The following EGFL7 variants were observed in gnomAD, a reference collection of about 807,000 sequenced individuals.
The protein encoded by EGFL7 is epidermal growth factor-like protein 7.
EGFL7 carries 48 observed loss-of-function variants against 37.1 expected under a neutral mutation model. That is an observed-to-expected ratio of 1.29 (90% CI 1.03 to 1.65). The LOEUF is 1.65. EGFL7 is among the 40% of genes most tolerant of loss of function. The pLI is 0.00. For missense variants in EGFL7, 384 were observed against 378.9 expected (o/e 1.01, Z -0.11); for synonymous variants, 180 against 156.8 (o/e 1.15, Z -1.10).
intron 5 of EGFL7, 143 bp from the exon 6 acceptor site, chr9:136,669,463 C>A: frequency 1.6e-6 from 1 of 629,510 alleles, no homozygotes. Context: ...TGTGCAGTGA[C>A]CCCTCAGTGC....
upstream of EGFL7, among the ~76,000 whole-genome samples, chr9:136,661,773 G>A (rs370462534): frequency 2.0e-4 from 31 of 152,304 alleles, no homozygotes; most frequent in African/African-American, 6.0e-4. Context: ...TTCCCCAGCT[G>A]CCCCAGCCTC....
chr9:136,669,831 G>A (rs565927419), intron 6 of EGFL7, 83 bp from the exon 7 acceptor site: 56 of 1,445,806 alleles, frequency 3.9e-5, no homozygotes, highest in South Asian at 1.0e-4. Context: ...CCACCTTGCC[G>A]CAGAGCACCC....
At chr9:136,671,539 C>CG in intron 9 of EGFL7, among the ~76,000 whole-genome samples, 1 of 151,964 alleles carries the variant, frequency 6.6e-6, no homozygotes, top group African/African-American at 2.4e-5. Context: ...ACCAGGACCC[C>CG]CCAGGGCCGG....
At chr9:136,671,541 C>A (rs1295936655) in intron 9 of EGFL7, among the ~76,000 whole-genome samples, 2 of 151,892 alleles carry the variant, frequency 1.3e-5, no homozygotes, top group African/African-American at 4.8e-5. Flanking sequence ...CAGGACCCCC[C>A]AGGGCCGGAG....
intron 9 of EGFL7, 147 bp from the exon 10 acceptor site, chr9:136,671,779 G>A (rs1009194952): frequency 5.4e-6 from 6 of 1,109,678 alleles, no homozygotes; most frequent in South Asian, 1.9e-5. Context: ...TTCTGCCACG[G>A]CAGCCCCCTC....
intron 6 of EGFL7, 88 bp downstream of exon 6, chr9:136,669,809 C>A (rs1845723857): frequency 7.0e-7 from 1 of 1,438,502 alleles, no homozygotes; most frequent in Admixed American, 2.1e-5. Flanking sequence ...TTCTTGAACC[C>A]CGAGCAAAGC....
intron 10 of EGFL7, 87 bp downstream of exon 10, chr9:136,672,175 G>C: frequency 1.9e-6 from 3 of 1,603,648 alleles, no homozygotes; most frequent in Non-Finnish European, 2.6e-6. Context: ...GGTCGGGGGC[G>C]ACCAAAGGCC....
In EGFL7 at chr9:136,668,357, G is replaced by A. The variant is rs534079276; in HGVS notation, c.75G>A (p.Arg25=). The A allele has an allele frequency of 2.2e-5, 35 of 1,596,466 alleles. No homozygotes were observed. The highest frequency in any genetic ancestry group is 2.7e-5 in the Non-Finnish European group (32 of 1,171,242). ...TGGGCGGCACAGAGCACGCCTACCG[G>A]CCCGGGTGAGCCAAGCCCTAGCCTG... The part of the protein sequence containing the change: ...LAVGGTEHAY[R]PGRRVCAVRA... The change falls in exon 4 of 11, where the codon CGG becomes CGA. Residue 25 remains arginine (R), a synonymous_variant. Coordinates refer to ENST00000308874, the MANE Select transcript of EGFL7 (RefSeq NM_016215.5).
chr9:136,668,533 C>T (rs781632992), intron 4 of EGFL7, 24 bp from the exon 5 acceptor site: 2 of 1,600,308 alleles, frequency 1.2e-6, no homozygotes, highest in Non-Finnish European at 8.5e-7. Flanking sequence ...GACTCCTGGG[C>T]TGACCCCCTC....
chr9:136,668,927 A>T (rs1012405428), intron 5 of EGFL7, among the ~76,000 whole-genome samples: 4 of 152,050 alleles, frequency 2.6e-5, no homozygotes, highest in African/African-American at 7.2e-5. Flanking sequence ...GAGCATCCCC[A>T]TGTTTAGAGG....
intron 3 of EGFL7, 99 bp from the exon 4 acceptor site, chr9:136,668,142 C>A: frequency 6.0e-6 from 4 of 666,264 alleles, no homozygotes; most frequent in Non-Finnish European, 1.0e-5. Flanking sequence ...GAGGCTCCAG[C>A]GGAGATGAGC....
intron 9 of EGFL7, among the ~76,000 whole-genome samples, chr9:136,671,451 G>A (rs1343713351): frequency 6.6e-6 from 1 of 152,068 alleles, no homozygotes; most frequent in African/African-American, 2.4e-5. Flanking sequence ...CCTGGCCCTG[G>A]GGAGGTGGCT....
rs1845741025 is a variant in EGFL7, at chr9:136,670,020, C to T, written c.409+11C>T. The stretch of plus-strand genomic sequence containing the variant: ...ACACTTGCCAGTCAGGTGAGGCTGG[C>T]TCTACCCTGGGGGGCCCTGGAAGGG... On this transcript the variant is annotated intron_variant, in intron 7 of 10. Transcript: ENST00000308874. 2 of 1,590,872 alleles carry T rather than the reference C, an allele frequency of 1.3e-6. No individual in the cohort carries two copies. Among genetic ancestry groups the T allele is most frequent in the East Asian group, 2.2e-5 (1 of 44,492 alleles).
At position 136,670,942 on chromosome 9, in the gene EGFL7, G is replaced by C; in HGVS notation, c.572-8G>C. On this transcript the variant is annotated splice_polypyrimidine_tract_variant and splice_region_variant and intron_variant, in intron 8 of 10. Transcript: ENST00000308874. ...CGGCCGTGACCCAGCGCCTGGCTCTGCCCGCAGGAGTGGACAGTGCAATGA... is the reference window on the plus strand; with the variant it reads ...CGGCCGTGACCCAGCGCCTGGCTCTCCCCGCAGGAGTGGACAGTGCAATGA... 1 of 1,552,934 alleles carries C rather than the reference G, an allele frequency of 6.4e-7. No individual in the cohort carries two copies.
At chr9:136,672,160 T>G in intron 10 of EGFL7, 72 bp downstream of exon 10, 1 of 1,589,666 alleles carries the variant, frequency 6.3e-7, no homozygotes, top group Non-Finnish European at 8.6e-7. Context: ...CTACCCAGGC[T>G]TGGGGGTCGG....
chr9:136,670,537 C>A lies in EGFL7; in HGVS notation c.571+207C>A. 4 of 806,142 alleles carry A rather than the reference C, an allele frequency of 5.0e-6. No homozygotes were observed. The South Asian group carries it at 5.5e-5, about 11-fold the overall frequency. The allele number at this position is 806,142 out of a possible 1,614,324, so 49.9% of individuals were successfully genotyped here. A position where few individuals can be genotyped will look rare whatever the true frequency, so the allele number is the denominator to read the frequency against. The stretch of plus-strand genomic sequence containing the variant: ...CGGAGCCTCATATCAGCCAAGAAGG[C>A]AGAAGTGCCCCGTCCCGGGGTCCTG... On this transcript the variant is annotated intron_variant, in intron 8 of 10. Coordinates refer to ENST00000308874, the MANE Select transcript of EGFL7 (RefSeq NM_016215.5).
Position 136,670,120 on chromosome 9 carries a change from G to A in EGFL7, c.410-49G>A, listed in dbSNP as rs559603127. ...GGTGGTTGTGAAGGGAGCTGTGTGG[G>A]CAGGACCCCTCCCGCAGGCATGGCC... On this transcript the variant is annotated intron_variant, in intron 7 of 10. Coordinates refer to ENST00000308874, the MANE Select transcript of EGFL7 (RefSeq NM_016215.5). 345 of 1,611,060 alleles carry A rather than the reference G, an allele frequency of 2.1e-4. 6 individuals are homozygous for A. In the South Asian group the frequency reaches 3.5e-3, roughly 16 times the overall value.
intron 3 of EGFL7, chr9:136,665,666 G>A (rs1445061123): frequency 1.3e-5 from 2 of 150,822 alleles, no homozygotes; most frequent in African/African-American, 4.9e-5. Context: ...CTCGTCCGCC[G>A]CGGGGCCTCA....
chr9:136,670,533 A>G, intron 8 of EGFL7: 3 of 813,510 alleles, frequency 3.7e-6, no homozygotes, highest in Non-Finnish European at 6.5e-6. Context: ...ATCAGCCAAG[A>G]AGGCAGAAGT....
Sources: allele counts gnomAD v4.1 joint callset (sites outside exome capture counted in the v4.1 genomes callset), GRCh38; gene constraint gnomAD v4.1.1; transcripts MANE v1.5; gene names NCBI Gene and HGNC (gene_info 2026-07-23, HGNC 2026-07-21).